Variants in STX2 observed in about 807,000 individuals in gnomAD.
The protein encoded by STX2 is syntaxin-2.
STX2 carries 27 observed loss-of-function variants against 40.6 expected under a neutral mutation model. The ratio of observed to expected loss-of-function variants is 0.66; its 90% CI spans 0.49 to 0.92. The LOEUF (loss-of-function observed/expected upper bound fraction) is 0.92, where lower values mean the gene tolerates loss of function less well. Ranked by LOEUF, STX2 falls within the 40% of genes least tolerant of loss-of-function variation. The pLI is 0.00. For missense variants in STX2, 328 were observed against 366.1 expected (o/e 0.90, Z 0.85); for synonymous variants, 123 against 119.1 (o/e 1.03, Z -0.22).
chr12:130,809,554 C>T (rs574250331), intron 4 of STX2, among the ~76,000 whole-genome samples: 3 of 152,326 alleles, frequency 2.0e-5, no homozygotes, highest in Admixed American at 6.5e-5. Flanking sequence ...CAGTGGCTCA[C>T]GCCTGTAATC....
intron 4 of STX2, among the ~76,000 whole-genome samples, chr12:130,811,787 G>A (rs544689422): frequency 2.6e-5 from 4 of 152,164 alleles, no homozygotes; most frequent in African/African-American, 4.8e-5. Context: ...TGATCCACCC[G>A]CCTCGGCCTC....
intron 10 of STX2, among the ~76,000 whole-genome samples, chr12:130,794,586 C>A (rs902306173): frequency 6.6e-6 from 1 of 152,198 alleles, no homozygotes; most frequent in African/African-American, 2.4e-5. Flanking sequence ...GCCTCGACCT[C>A]CCCAGGCTCA....
chr12:130,806,476 T>C (rs1056094102), intron 6 of STX2, among the ~76,000 whole-genome samples: 1 of 152,142 alleles, frequency 6.6e-6, no homozygotes, highest in Non-Finnish European at 1.5e-5. Flanking sequence ...GGAACCCCAA[T>C]CTTTCACAAT....
At chr12:130,798,429 C>T in intron 9 of STX2, 96 bp downstream of exon 9, 1 of 684,484 alleles carries the variant, frequency 1.5e-6, no homozygotes, top group Non-Finnish European at 2.3e-6. Flanking sequence ...TTAATTATTT[C>T]TTGGAATACC....
intron 2 of STX2, among the ~76,000 whole-genome samples, chr12:130,823,485 A>G (rs1374021586): frequency 6.6e-6 from 1 of 152,234 alleles, no homozygotes; most frequent in African/African-American, 2.4e-5. Flanking sequence ...GGTGGGCCCA[A>G]CGTAACCACA....
At chr12:130,839,025 G>T in intron 1 of STX2, 45 bp downstream of exon 1, 1 of 991,466 alleles carries the variant, frequency 1.0e-6, no homozygotes, top group Non-Finnish European at 1.3e-6. Context: ...CCCTCCAGAC[G>T]CCGCCCCGGC....
intron 10 of STX2, among the ~76,000 whole-genome samples, chr12:130,794,398 C>G (rs181299647): frequency 6.6e-6 from 1 of 152,308 alleles, no homozygotes; most frequent in East Asian, 1.9e-4. Flanking sequence ...AGAGTAATTT[C>G]AGGTGTAATT....
At chr12:130,807,205 G>A (rs1593137811) in intron 5 of STX2, 115 bp from the exon 6 acceptor site, 4 of 992,992 alleles carry the variant, frequency 4.0e-6, no homozygotes, top group South Asian at 1.5e-5. Context: ...TCCTGCAAAT[G>A]GAAAATGACA....
chr12:130,828,050 G>A (rs1335155291), intron 1 of STX2, among the ~76,000 whole-genome samples: 1 of 152,204 alleles, frequency 6.6e-6, no homozygotes, highest in African/African-American at 2.4e-5. Flanking sequence ...CCATTAGCTT[G>A]TCTCAGTCTC....
At chr12:130,793,861 T>C (rs1213561067) in intron 10 of STX2, among the ~76,000 whole-genome samples, 1 of 152,276 alleles carries the variant, frequency 6.6e-6, no homozygotes, top group Non-Finnish European at 1.5e-5. Context: ...CATTAACCAC[T>C]GCCTTCCTAT....
intron 1 of STX2, among the ~76,000 whole-genome samples, chr12:130,831,303 T>G (rs1426932976): frequency 6.6e-6 from 1 of 152,220 alleles, no homozygotes; most frequent in Non-Finnish European, 1.5e-5. Context: ...GTTGCTAGAA[T>G]ACTTTGACTT....
chr12:130,812,681 A>G, intron 4 of STX2: 1 of 356,794 alleles, frequency 2.8e-6, no homozygotes. Flanking sequence ...GAGCAATTAA[A>G]GGGTCCATTC....
chr12:130,826,383 C>T (rs1215213663), intron 2 of STX2, among the ~76,000 whole-genome samples: 2 of 152,200 alleles, frequency 1.3e-5, no homozygotes, highest in Admixed American at 6.5e-5. Flanking sequence ...AGGGGCGCCG[C>T]AGGACCTCCA....
chr12:130,825,465 T>C (rs1952266617), intron 2 of STX2, among the ~76,000 whole-genome samples: 3 of 152,212 alleles, frequency 2.0e-5, no homozygotes, highest in South Asian at 4.1e-4. Context: ...ATCAGAAAAA[T>C]AGTAATTTGA....
intron 8 of STX2, 111 bp from the exon 9 acceptor site, chr12:130,798,746 G>T: frequency 1.5e-6 from 1 of 658,662 alleles, no homozygotes; most frequent in Non-Finnish European, 2.3e-6. Context: ...GCATGTAATG[G>T]ATACTGAGGG....
intron 3 of STX2, among the ~76,000 whole-genome samples, chr12:130,816,268 C>G (rs912752352): frequency 8.5e-5 from 13 of 152,220 alleles, no homozygotes; most frequent in African/African-American, 3.1e-4. Context: ...GATCTGAGAG[C>G]TGGGCCTGCC....
intron 1 of STX2, among the ~76,000 whole-genome samples, chr12:130,835,768 T>C (rs1199635792): frequency 6.6e-6 from 1 of 152,188 alleles, no homozygotes; most frequent in African/African-American, 2.4e-5. Context: ...CAGAAATATC[T>C]TTCTGGATTT....
rs55949710 is a variant in STX2 at position 130,790,812 on chromosome 12, T to C, written c.*1211A>G. On this transcript the variant is annotated 3_prime_UTR_variant, in exon 11 of 11. Transcript: ENST00000392373. ...TGAAAAGAGACCACGGTCTTTACAG[T>C]GCAGTAACCATTCATTATCCTGGGG... The C allele has an allele frequency of 6.5e-6, 1 of 152,730 alleles. No homozygotes were observed. Among genetic ancestry groups the C allele is most frequent in the South Asian group, 2.1e-4 (1 of 4,818 alleles). 9.5% of individuals were successfully genotyped at this position (152,730 alleles called of 1,614,324 possible).
chr12:130,801,299 A>G lies in STX2; in HGVS notation c.538-9T>C. 1 of 1,605,718 alleles carries G rather than the reference A, an allele frequency of 6.2e-7. No individual in the cohort carries two copies. Among genetic ancestry groups the G allele is most frequent in the Non-Finnish European group, 8.5e-7 (1 of 1,175,176 alleles). ...TGTGAATCTGATATAATCTTGGAAA[A>G]ACAAAAATAAAAGATAATATTAATA... On this transcript the variant is annotated splice_polypyrimidine_tract_variant and intron_variant, in intron 7 of 10. Coordinates refer to ENST00000392373, the MANE Select transcript of STX2 (RefSeq NM_194356.4).
Sources: allele counts gnomAD v4.1 joint callset (sites outside exome capture counted in the v4.1 genomes callset), GRCh38; gene constraint gnomAD v4.1.1; transcripts MANE v1.5; gene names NCBI Gene and HGNC (gene_info 2026-07-23, HGNC 2026-07-21).